Variants in BLTP3B observed in about 807,000 individuals in gnomAD.
BLTP3B encodes bridge-like lipid transfer protein family member 3B.
At chr12:100,142,522 A>G in the BLTP3B span, 2 of 1,541,984 alleles carry the variant, frequency 1.3e-6, no homozygotes, top group Non-Finnish European at 1.8e-6. Flanking sequence ...CCGCCCCCGA[A>G]GCCGCAGGCT....
the BLTP3B span, among the ~76,000 whole-genome samples, chr12:100,110,457 C>A: frequency 6.6e-6 from 1 of 152,118 alleles, no homozygotes; most frequent in Admixed American, 6.5e-5. Context: ...AAAACCCTGC[C>A]ACTTCCCTGA....
chr12:100,053,618 T>A, the BLTP3B span, among the ~76,000 whole-genome samples: 3 of 152,162 alleles, frequency 2.0e-5, no homozygotes, highest in African/African-American at 4.8e-5. Context: ...TTTGTATGTA[T>A]CTGACACACC....
chr12:100,141,579 T>C, the BLTP3B span, among the ~76,000 whole-genome samples: 1 of 152,174 alleles, frequency 6.6e-6, no homozygotes, highest in Non-Finnish European at 1.5e-5. Context: ...TAACCTGTGG[T>C]ATAAGACAAT....
chr12:100,065,934 G>C, the BLTP3B span, among the ~76,000 whole-genome samples: 1 of 152,074 alleles, frequency 6.6e-6, no homozygotes, highest in Non-Finnish European at 1.5e-5. Context: ...TGCTGGTTTT[G>C]CGGCTCAGGT....
the BLTP3B span, among the ~76,000 whole-genome samples, chr12:100,091,949 C>T: frequency 6.6e-6 from 1 of 151,472 alleles, no homozygotes; most frequent in Non-Finnish European, 1.5e-5. Context: ...GCTGGGATTA[C>T]AGGCACCCAC....
At chr12:100,084,561 T>G in the BLTP3B span, 2 of 1,613,988 alleles carry the variant, frequency 1.2e-6, no homozygotes, top group African/African-American at 2.7e-5. Context: ...GTTTAAGCAT[T>G]TCAACGTTGC....
the BLTP3B span, among the ~76,000 whole-genome samples, chr12:100,108,936 G>A: frequency 1.3e-5 from 2 of 152,156 alleles, no homozygotes; most frequent in Non-Finnish European, 2.9e-5. Flanking sequence ...GGGAGCAGGG[G>A]TGGGAATGGG....
the BLTP3B span, among the ~76,000 whole-genome samples, chr12:100,138,296 T>C: frequency 2.6e-5 from 4 of 152,200 alleles, no homozygotes; most frequent in Admixed American, 1.3e-4. Flanking sequence ...TGCTTTCTGT[T>C]ACATTTCCCT....
At chr12:100,044,098 GT>G in the BLTP3B span, among the ~76,000 whole-genome samples, 7 of 151,764 alleles carry the variant, frequency 4.6e-5, no homozygotes, top group South Asian at 4.2e-4. Flanking sequence ...GTTTTGTTTT[GT>G]TTTTTTTAAT....
chr12:100,052,637 C>T, the BLTP3B span, among the ~76,000 whole-genome samples: 1 of 151,880 alleles, frequency 6.6e-6, no homozygotes, highest in Non-Finnish European at 1.5e-5. Flanking sequence ...CATGGGAAAA[C>T]ATCAGAAAAA....
chr12:100,128,713 C>A, the BLTP3B span: 1 of 1,287,866 alleles, frequency 7.8e-7, no homozygotes, highest in South Asian at 1.2e-5. Flanking sequence ...TCCACCACAG[C>A]CAGCAGGGAA....
At chr12:100,083,271 T>C in the BLTP3B span, 1 of 596,832 alleles carries the variant, frequency 1.7e-6, no homozygotes, top group East Asian at 2.8e-5. Flanking sequence ...ACATACTTTA[T>C]AAATTATAAA....
At chr12:100,095,874 A>T in the BLTP3B span, 4 of 1,516,384 alleles carry the variant, frequency 2.6e-6, no homozygotes, top group Non-Finnish European at 3.5e-6. Context: ...AATTAAGCCA[A>T]GATATAAACC....
the BLTP3B span, among the ~76,000 whole-genome samples, chr12:100,103,132 C>T: frequency 6.6e-6 from 1 of 152,028 alleles, no homozygotes; most frequent in Non-Finnish European, 1.5e-5. Flanking sequence ...CCATTAACTA[C>T]TAAAATCATC....
the BLTP3B span, among the ~76,000 whole-genome samples, chr12:100,139,905 A>C: frequency 1.3e-4 from 20 of 152,224 alleles, no homozygotes; most frequent in Non-Finnish European, 2.4e-4. Context: ...TCACAATTTT[A>C]AACTCTGTGG....
the BLTP3B span, among the ~76,000 whole-genome samples, chr12:100,065,935 C>T: frequency 2.0e-5 from 3 of 152,272 alleles, no homozygotes; most frequent in East Asian, 1.9e-4. Flanking sequence ...GCTGGTTTTG[C>T]GGCTCAGGTG....
the BLTP3B span, among the ~76,000 whole-genome samples, chr12:100,130,987 GAGAGAGAGAGAGA>G: frequency 4.1e-4 from 31 of 76,324 alleles, no homozygotes; most frequent in African/African-American, 1.0e-3. Flanking sequence ...GGGAGGGAGA[GAGAGAGAGAGAGA>G]GAGAGAGAGA....
chr12:100,059,342 T>A, the BLTP3B span: 1 of 1,614,044 alleles, frequency 6.2e-7, no homozygotes, highest in Non-Finnish European at 8.5e-7. Context: ...TGTCACAAGA[T>A]TTGGGGAAGC....
chr12:100,136,431 T>G, the BLTP3B span, among the ~76,000 whole-genome samples: 2 of 152,172 alleles, frequency 1.3e-5, no homozygotes, highest in Non-Finnish European at 2.9e-5. Context: ...GCTTCTTATA[T>G]TAGAATAGGA....
Sources: allele counts gnomAD v4.1 joint callset (sites outside exome capture counted in the v4.1 genomes callset), GRCh38; gene constraint gnomAD v4.1.1; transcripts MANE v1.5; gene names NCBI Gene and HGNC (gene_info 2026-07-23, HGNC 2026-07-21).